FLRT2: variants seen among roughly 807,000 people sequenced by gnomAD.
The protein encoded by FLRT2 is leucine-rich repeat transmembrane protein FLRT2.
In FLRT2, 15 loss-of-function variants were observed where a neutral mutation model predicts 40.0. That is an observed-to-expected ratio of 0.38 (90% CI 0.25 to 0.58). The LOEUF (loss-of-function observed/expected upper bound fraction) is 0.58, where lower values mean the gene tolerates loss of function less well. Among genes scored for constraint, FLRT2 ranks in the 20% least tolerant of loss-of-function variants. FLRT2 has a pLI of 0.71. For missense variants in FLRT2, 726 were observed against 840.0 expected, an observed-to-expected ratio of 0.86 and a Z score of 1.68; for synonymous variants, 380 against 336.8, an observed-to-expected ratio of 1.13 and a Z score of -1.41.
rs896908422 is a variant in FLRT2 at position 85,647,781 on chromosome 14, A to G, written c.*24284A>G. On this transcript the variant is annotated 3_prime_UTR_variant, in exon 2 of 2. Transcript: ENST00000330753. ...ATCGCAACCACATACAGGCAGAACC[A>G]CTAAGAGTAAAAACCCCTCAGGAAT... The G allele has an allele frequency of 6.6e-6, 1 of 152,178 alleles. No homozygotes were observed. Among genetic ancestry groups the G allele is most frequent in the Non-Finnish European group, 1.5e-5 (1 of 68,038 alleles). 9.4% of individuals were successfully genotyped at this position (152,178 alleles called of 1,614,324 possible).
At chr14:85,544,118 T>C (rs1215388765) in intron 1 of FLRT2, among the ~76,000 whole-genome samples, 1 of 152,158 alleles carries the variant, frequency 6.6e-6, no homozygotes, top group Non-Finnish European at 1.5e-5. Context: ...ATTTTTTTAT[T>C]CCCATAGATT....
At chr14:85,618,787 G>C (rs1893250858) in intron 1 of FLRT2, among the ~76,000 whole-genome samples, 1 of 152,088 alleles carries the variant, frequency 6.6e-6, no homozygotes, top group Non-Finnish European at 1.5e-5. Flanking sequence ...CCCATCCCAG[G>C]CTCTCGCTAA....
Position 85,628,178 on chromosome 14 carries a change from A to G in FLRT2, c.*4681A>G, listed in dbSNP as rs1446909608. The stretch of plus-strand genomic sequence containing the variant: ...ACGAATACCTTTTAGGTATGCACAC[A>G]TACACAGAGCATCTTATTTTATACT... On this transcript the variant is annotated 3_prime_UTR_variant, in exon 2 of 2. Transcript: ENST00000330753. 6.6e-6 allele frequency: 1 copy of G among 152,252 alleles called. No homozygotes were observed. The highest frequency in any genetic ancestry group is 1.5e-5 in the Non-Finnish European group (1 of 68,048). 9.4% of individuals were successfully genotyped at this position (152,252 alleles called of 1,614,324 possible). A position where few individuals can be genotyped will look rare whatever the true frequency, so the allele number is the denominator to read the frequency against.
chr14:85,560,613 A>T (rs917607108), intron 1 of FLRT2, among the ~76,000 whole-genome samples: 12 of 151,782 alleles, frequency 7.9e-5, no homozygotes, highest in Non-Finnish European at 1.5e-4. Context: ...GAAATAAATA[A>T]AAAATAAAGA....
intron 1 of FLRT2, among the ~76,000 whole-genome samples, chr14:85,607,005 T>C (rs1458408469): frequency 6.6e-6 from 1 of 151,768 alleles, no homozygotes; most frequent in South Asian, 2.1e-4. Flanking sequence ...ACTGTATATC[T>C]ATGGATGTAC....
chr14:85,571,655 A>T (rs554191212), intron 1 of FLRT2, among the ~76,000 whole-genome samples: 9 of 152,150 alleles, frequency 5.9e-5, no homozygotes, highest in African/African-American at 1.9e-4. Context: ...GTGGGTCAGC[A>T]TGGGGACAGA....
chr14:85,594,866 G>A (rs528262196), intron 1 of FLRT2, among the ~76,000 whole-genome samples: 65 of 152,076 alleles, frequency 4.3e-4, no homozygotes, highest in African/African-American at 1.2e-3. Context: ...TAACACAGTC[G>A]ATTAACACAT....
intron 1 of FLRT2, among the ~76,000 whole-genome samples, chr14:85,589,947 A>C (rs1281530950): frequency 6.6e-6 from 1 of 151,366 alleles, no homozygotes; most frequent in Non-Finnish European, 1.5e-5. Flanking sequence ...ATTCTGTTCC[A>C]TTGGTCTCTG....
chr14:85,552,064 T>C (rs943180032), intron 1 of FLRT2, among the ~76,000 whole-genome samples: 2 of 152,140 alleles, frequency 1.3e-5, no homozygotes, highest in African/African-American at 4.8e-5. Context: ...AATAGGATAG[T>C]GAGCAGGAGC....
intron 1 of FLRT2, among the ~76,000 whole-genome samples, chr14:85,536,992 A>G (rs1452799518): frequency 2.6e-5 from 4 of 152,202 alleles, no homozygotes; most frequent in African/African-American, 7.2e-5. Context: ...TGCTTACATA[A>G]CAAGGGAAAC....
chr14:85,579,939 T>TTTA (rs2139873755), intron 1 of FLRT2, among the ~76,000 whole-genome samples: 1 of 150,642 alleles, frequency 6.6e-6, no homozygotes, highest in South Asian at 2.1e-4. Context: ...TTTTTTTTTT[T>TTTA]TTTTTTTTTA....
chr14:85,612,054 T>A (rs1892904986), intron 1 of FLRT2, among the ~76,000 whole-genome samples: 1 of 86,616 alleles, frequency 1.2e-5, no homozygotes, highest in Non-Finnish European at 2.3e-5. Flanking sequence ...GAATGTAACT[T>A]ACTTTTCAAA....
At chr14:85,593,797 T>A (rs935520292) in intron 1 of FLRT2, among the ~76,000 whole-genome samples, 2 of 152,198 alleles carry the variant, frequency 1.3e-5, no homozygotes, top group East Asian at 3.9e-4. Flanking sequence ...ATTCCAGAAC[T>A]CTGGGAGTTC....
intron 1 of FLRT2, among the ~76,000 whole-genome samples, chr14:85,574,036 T>A (rs1891013289): frequency 6.6e-6 from 1 of 152,248 alleles, no homozygotes; most frequent in Non-Finnish European, 1.5e-5. Flanking sequence ...AGAGGCCGGA[T>A]CCACAGGGGA....
rs1341683016 is a variant in FLRT2 at position 85,634,544 on chromosome 14, T to C, written c.*11047T>C. The C allele has an allele frequency of 6.6e-6, 1 of 152,238 alleles. No individual in the cohort carries two copies. The highest frequency in any genetic ancestry group is 1.5e-5 in the Non-Finnish European group (1 of 68,040). The allele number at this position is 152,238 out of a possible 1,614,324, so 9.4% of individuals were successfully genotyped here. A position where few individuals can be genotyped will look rare whatever the true frequency, so the allele number is the denominator to read the frequency against. The stretch of plus-strand genomic sequence containing the variant: ...CAACTGTGTCTATAAGACTGTAGCC[T>C]ATTGGATGGGAAGTTATATTATGAA... On this transcript the variant is annotated 3_prime_UTR_variant, in exon 2 of 2. Coordinates refer to ENST00000330753, the MANE Select transcript of FLRT2 (RefSeq NM_013231.6).
intron 1 of FLRT2, among the ~76,000 whole-genome samples, chr14:85,568,421 C>T (rs531181349): frequency 2.6e-5 from 4 of 152,122 alleles, no homozygotes; most frequent in Admixed American, 2.0e-4. Flanking sequence ...ATGTGTAAGG[C>T]GTTAATACCA....
chr14:85,576,074 A>G (rs192089693), intron 1 of FLRT2, among the ~76,000 whole-genome samples: 1 of 152,188 alleles, frequency 6.6e-6, no homozygotes, highest in Admixed American at 6.5e-5. Flanking sequence ...GTTTATTTAT[A>G]TGCTGTGTTT....
Position 85,643,424 on chromosome 14 carries a change from T to A in FLRT2, c.*19927T>A, listed in dbSNP as rs1376831834. The stretch of plus-strand genomic sequence containing the variant: ...TTTTTTTGTTTTGAGACAGGTTCTC[T>A]CTCTGTCACCCAGGCAGGAATGCAG... On this transcript the variant is annotated 3_prime_UTR_variant, in exon 2 of 2. Transcript: ENST00000330753. 1 of 150,550 alleles carries A rather than the reference T, an allele frequency of 6.6e-6. No individual in the cohort carries two copies. The highest frequency in any genetic ancestry group is 1.5e-5 in the Non-Finnish European group (1 of 67,888). The allele number at this position is 150,550 out of a possible 1,614,324, so 9.3% of individuals were successfully genotyped here. A position where few individuals can be genotyped will look rare whatever the true frequency, so the allele number is the denominator to read the frequency against.
chr14:85,574,985 A>T (rs978098928), intron 1 of FLRT2, among the ~76,000 whole-genome samples: 1 of 152,362 alleles, frequency 6.6e-6, no homozygotes, highest in South Asian at 2.1e-4. Flanking sequence ...GTCAGCACCA[A>T]CAAAGTCGGG....
Sources: gnomAD v4.1 joint callset for allele counts (sites outside exome capture counted in the v4.1 genomes callset) on GRCh38, gnomAD v4.1.1 for gene constraint, MANE v1.5 for transcripts, NCBI Gene and HGNC (gene_info 2026-07-23, HGNC 2026-07-21) for gene names.